BACH2: variants seen among roughly 807,000 people sequenced by gnomAD.
BACH2 encodes transcription regulator protein BACH2.
BACH2 carries 5 observed loss-of-function variants against 61.8 expected under a neutral mutation model. That is an observed-to-expected ratio of 0.08 (90% CI 0.04 to 0.17). The LOEUF (loss-of-function observed/expected upper bound fraction) is 0.17, where lower values mean the gene tolerates loss of function less well. Ranked by LOEUF, BACH2 falls within the 10% of genes least tolerant of loss-of-function variation. BACH2 has a pLI of 1.00. For synonymous variants in BACH2, 446 were observed against 440.1 expected (o/e 1.01, Z -0.17); for missense variants, 824 against 1,091.1 (o/e 0.76, Z 3.45).
chr6:90,085,645 T>C (rs1318258729), intron 5 of BACH2, among the ~76,000 whole-genome samples: 1 of 152,104 alleles, frequency 6.6e-6, no homozygotes, highest in African/African-American at 2.4e-5. Context: ...TACCATTCAG[T>C]GGATCCCTTA....
At chr6:90,000,792 T>C (rs1240703590) in intron 6 of BACH2, among the ~76,000 whole-genome samples, 1 of 152,226 alleles carries the variant, frequency 6.6e-6, no homozygotes, top group Non-Finnish European at 1.5e-5. Flanking sequence ...TCATCTCCTG[T>C]GAATGCCTGT....
chr6:90,084,538 G>GTTTT (rs58667089), intron 5 of BACH2, among the ~76,000 whole-genome samples: 2 of 138,676 alleles, frequency 1.4e-5, no homozygotes, highest in African/African-American at 2.6e-5. Flanking sequence ...TTTAATTCCA[G>GTTTT]TTTTTTTTTT....
At chr6:90,289,519 T>A (rs1772118279) in intron 1 of BACH2, among the ~76,000 whole-genome samples, 1 of 152,174 alleles carries the variant, frequency 6.6e-6, no homozygotes, top group Non-Finnish European at 1.5e-5. Context: ...TAATTTTGCA[T>A]CTAAGAATGG....
chr6:90,278,595 T>C (rs1771765500), intron 1 of BACH2, among the ~76,000 whole-genome samples: 1 of 152,254 alleles, frequency 6.6e-6, no homozygotes, highest in African/African-American at 2.4e-5. Context: ...GTGTGATACT[T>C]ATTTTAATCC....
At chr6:90,102,791 AAATAAT>A (rs372366852) in intron 4 of BACH2, among the ~76,000 whole-genome samples, 25,495 of 113,432 alleles carry the variant, frequency 0.22, 3,060 homozygotes, top group East Asian at 0.36. Flanking sequence ...ACTCCATTTC[AAATAAT>A]AATAATAATA....
At chr6:90,032,228 T>C (rs972689571) in intron 5 of BACH2, among the ~76,000 whole-genome samples, 4 of 150,786 alleles carry the variant, frequency 2.7e-5, no homozygotes, top group Non-Finnish European at 4.4e-5. Context: ...AAGACTTAAA[T>C]GTTAGACCTA....
chr6:90,289,117 T>C (rs1772108141), intron 1 of BACH2, among the ~76,000 whole-genome samples: 1 of 152,230 alleles, frequency 6.6e-6, no homozygotes, highest in Non-Finnish European at 1.5e-5. Flanking sequence ...AATTATTTTT[T>C]AACTTTAAGA....
chr6:90,155,865 T>C (rs1483623825), intron 4 of BACH2, among the ~76,000 whole-genome samples: 1 of 152,330 alleles, frequency 6.6e-6, no homozygotes, highest in South Asian at 2.1e-4. Context: ...GAACAATGCC[T>C]GGCACAAGCA....
At chr6:90,220,305 G>C (rs1463171440) in intron 3 of BACH2, among the ~76,000 whole-genome samples, 1 of 152,120 alleles carries the variant, frequency 6.6e-6, no homozygotes, top group Admixed American at 6.6e-5. Flanking sequence ...TGCATTAGCA[G>C]CCCATTTTAC....
intron 4 of BACH2, among the ~76,000 whole-genome samples, chr6:90,093,099 T>C (rs1338620149): frequency 2.0e-5 from 3 of 152,152 alleles, no homozygotes; most frequent in Non-Finnish European, 4.4e-5. Context: ...GTCTTGGGCA[T>C]TGGAAAGAAA....
chr6:90,246,934 G>A (rs541123251), intron 3 of BACH2, among the ~76,000 whole-genome samples: 5 of 152,110 alleles, frequency 3.3e-5, no homozygotes, highest in South Asian at 2.1e-4. Context: ...AAAGTCCTAT[G>A]AAAATTTTCT....
At chr6:90,035,950 G>T (rs886970045) in intron 5 of BACH2, among the ~76,000 whole-genome samples, 4 of 151,602 alleles carry the variant, frequency 2.6e-5, no homozygotes, top group Admixed American at 1.3e-4. Context: ...AGCAGCATAT[G>T]GAGACAATTT....
chr6:90,050,544 C>T (rs946651062), intron 5 of BACH2, among the ~76,000 whole-genome samples: 4 of 152,046 alleles, frequency 2.6e-5, no homozygotes, highest in African/African-American at 9.7e-5. Flanking sequence ...TTCTAGTATG[C>T]TGGACATTAA....
At chr6:90,022,058 G>C (rs1035617871) in intron 5 of BACH2, among the ~76,000 whole-genome samples, 1 of 152,046 alleles carries the variant, frequency 6.6e-6, no homozygotes, top group Non-Finnish European at 1.5e-5. Context: ...GACCTTCTAG[G>C]GGAAAGTTCA....
intron 4 of BACH2, among the ~76,000 whole-genome samples, chr6:90,092,997 G>A (rs1782237267): frequency 6.6e-6 from 1 of 152,136 alleles, no homozygotes. Context: ...TCCTTGAGCA[G>A]CCCCCAACTC....
Position 90,199,074 on chromosome 6 carries a change from G to GT in BACH2, c.-162+7494dup, listed in dbSNP as rs1283560321. 2.6e-5 allele frequency among the ~76,000 whole-genome samples: 4 copies of GT among 152,298 alleles called. No individual in the cohort carries two copies. In the South Asian group the frequency reaches 8.3e-4, roughly 32 times the overall value. ...TGATTGTGAGGCCTCCGATGTAACT[G>GT]TGAGTCCATTAAACCTCTTTTTCTT... On this transcript the variant is annotated intron_variant, in intron 4 of 8. Coordinates refer to ENST00000257749, the MANE Select transcript of BACH2 (RefSeq NM_021813.4).
intron 5 of BACH2, among the ~76,000 whole-genome samples, chr6:90,013,529 T>C (rs1346357203): frequency 1.5e-4 from 22 of 142,058 alleles, no homozygotes; most frequent in East Asian, 2.0e-4. Context: ...TTTTTTGAGA[T>C]GGAGTCTCGC....
intron 5 of BACH2, among the ~76,000 whole-genome samples, chr6:90,087,454 A>C (rs1189940631): frequency 6.6e-6 from 1 of 152,228 alleles, no homozygotes; most frequent in Non-Finnish European, 1.5e-5. Context: ...TATACAATGC[A>C]TATATCTATT....
Position 89,932,822 on chromosome 6 carries a change from G to T in BACH2, c.2112C>A (p.Asp704Glu). 1 of 1,612,926 alleles carries T rather than the reference G, an allele frequency of 6.2e-7. No homozygotes were observed. The highest frequency in any genetic ancestry group is 1.1e-5 in the South Asian group (1 of 91,034). The change falls in exon 9 of 9, where the codon GAC becomes GAA. Residue 704 changes from aspartate to glutamate, a missense_variant. Around this residue, in one of 8 missense-constraint regions of BACH2, gnomAD observed 160 missense variants for 283.5 expected, o/e 0.56. Transcript: ENST00000257749. ...QLKACMGELL[D>E]NFSCLSQEVC... ...CTTCCTGGGAAAGGCAGGAGAAGTT[G>T]TCCAACAGTTCCCCCATGCATGCTT...
Sources: allele counts gnomAD v4.1 joint callset (sites outside exome capture counted in the v4.1 genomes callset), GRCh38; gene constraint gnomAD v4.1.1; regional missense constraint gnomAD v4.1.1; transcripts MANE v1.5; gene names NCBI Gene and HGNC (gene_info 2026-07-23, HGNC 2026-07-21).